The following PCDH7 variants were observed in gnomAD, a reference collection of about 807,000 sequenced individuals.
The protein encoded by PCDH7 is protocadherin-7.
In PCDH7, 17 loss-of-function variants were observed where a neutral mutation model predicts 58.9. The observed-to-expected ratio is 0.29, with a 90% CI of 0.20 to 0.43. The LOEUF (loss-of-function observed/expected upper bound fraction) is 0.43, where lower values mean the gene tolerates loss of function less well. PCDH7 is among the 20% of genes least tolerant of loss of function. The pLI is 1.00. For missense variants in PCDH7, 1,274 were observed against 1,441.0 expected (o/e 0.88, Z 1.88); for synonymous variants, 664 against 616.4 (o/e 1.08, Z -1.14).
intron 3 of PCDH7, among the ~76,000 whole-genome samples, chr4:31,015,803 T>G (rs1309460741): frequency 6.6e-6 from 1 of 152,222 alleles, no homozygotes; most frequent in Non-Finnish European, 1.5e-5. Context: ...AATGCCTTAT[T>G]CATAGGAGAA....
At chr4:31,108,415 T>C (rs957071785) in intron 3 of PCDH7, among the ~76,000 whole-genome samples, 1 of 127,744 alleles carries the variant, frequency 7.8e-6, no homozygotes, top group Non-Finnish European at 1.7e-5. Flanking sequence ...AAAAATCACT[T>C]TCTAATTATA....
At chr4:31,119,342 A>G (rs1316952494) in intron 3 of PCDH7, among the ~76,000 whole-genome samples, 1 of 152,140 alleles carries the variant, frequency 6.6e-6, no homozygotes, top group Admixed American at 6.5e-5. Flanking sequence ...GTCTGTAACC[A>G]TTGAGAGTCA....
chr4:31,032,786 A>T (rs1378418723), intron 3 of PCDH7, among the ~76,000 whole-genome samples: 2 of 152,082 alleles, frequency 1.3e-5, no homozygotes, highest in East Asian at 3.9e-4. Flanking sequence ...TCTTAAAATC[A>T]AAATTCAAAT....
chr4:31,115,946 C>T (rs1242211062), intron 3 of PCDH7, among the ~76,000 whole-genome samples: 1 of 152,122 alleles, frequency 6.6e-6, no homozygotes, highest in Non-Finnish European at 1.5e-5. Context: ...TCCTCCAGCC[C>T]ACCAAAATAT....
At chr4:31,070,335 A>G (rs550661253) in intron 3 of PCDH7, among the ~76,000 whole-genome samples, 2 of 152,078 alleles carry the variant, frequency 1.3e-5, no homozygotes, top group Non-Finnish European at 2.9e-5. Context: ...TTAGACGGAC[A>G]TCTGACAATG....
At chr4:31,063,912 A>T (rs1757888421) in intron 3 of PCDH7, among the ~76,000 whole-genome samples, 1 of 151,910 alleles carries the variant, frequency 6.6e-6, no homozygotes, top group African/African-American at 2.4e-5. Context: ...TGCTCAAAAT[A>T]AGTAGCTGGT....
chr4:30,789,444 A>G (rs1723826890), intron 1 of PCDH7, among the ~76,000 whole-genome samples: 1 of 152,136 alleles, frequency 6.6e-6, no homozygotes, highest in African/African-American at 2.4e-5. Context: ...TAGAAGAAGC[A>G]ACAGGCAGAA....
chr4:30,747,092 G>A (rs1029964807), intron 1 of PCDH7, among the ~76,000 whole-genome samples: 26 of 152,002 alleles, frequency 1.7e-4, no homozygotes, highest in East Asian at 5.8e-4. Context: ...TTCCATCATG[G>A]CAATTTATAT....
intron 1 of PCDH7, among the ~76,000 whole-genome samples, chr4:30,847,197 T>A (rs1170951960): frequency 6.6e-6 from 1 of 152,296 alleles, no homozygotes; most frequent in East Asian, 1.9e-4. Context: ...TAATTTATAA[T>A]GCTACTATCA....
chr4:31,029,407 A>T (rs1754712444), intron 3 of PCDH7, among the ~76,000 whole-genome samples: 2 of 152,312 alleles, frequency 1.3e-5, no homozygotes, highest in South Asian at 2.1e-4. Flanking sequence ...CGCTCAGCAG[A>T]TGGGAGTCAA....
At chr4:31,090,821 T>G (rs1713148049) in intron 3 of PCDH7, among the ~76,000 whole-genome samples, 1 of 152,042 alleles carries the variant, frequency 6.6e-6, no homozygotes, top group African/African-American at 2.4e-5. Context: ...TGACTAATGC[T>G]TAAGTCAATA....
At chr4:30,892,355 C>A (rs1004287773) in intron 1 of PCDH7, among the ~76,000 whole-genome samples, 2 of 151,892 alleles carry the variant, frequency 1.3e-5, no homozygotes, top group African/African-American at 4.8e-5. Context: ...GTAAAGTAGA[C>A]CACGTGGAGA....
intron 1 of PCDH7, among the ~76,000 whole-genome samples, chr4:30,786,304 G>C (rs1468018193): frequency 6.6e-6 from 1 of 151,968 alleles, no homozygotes; most frequent in Non-Finnish European, 1.5e-5. Context: ...TGAGATCTTA[G>C]GGATGTGCAA....
At chr4:30,971,473 C>G (rs1048851973) in intron 3 of PCDH7, among the ~76,000 whole-genome samples, 3 of 152,162 alleles carry the variant, frequency 2.0e-5, no homozygotes, top group African/African-American at 7.2e-5. Flanking sequence ...TTATTGGTAA[C>G]TAGCATAAAT....
intron 3 of PCDH7, among the ~76,000 whole-genome samples, chr4:31,132,380 T>C: frequency 6.6e-6 from 1 of 152,130 alleles, no homozygotes; most frequent in East Asian, 1.9e-4. Context: ...GGTGATATTC[T>C]TACAGTTAAA....
chr4:30,956,082 T>C (rs1578408450), intron 3 of PCDH7, among the ~76,000 whole-genome samples: 1 of 149,092 alleles, frequency 6.7e-6, no homozygotes, highest in African/African-American at 2.5e-5. Context: ...GGCAAGGTGG[T>C]GCACGCCTGT....
At chr4:31,139,138 G>T (rs1435453613) in intron 3 of PCDH7, among the ~76,000 whole-genome samples, 1 of 152,118 alleles carries the variant, frequency 6.6e-6, no homozygotes, top group East Asian at 1.9e-4. Flanking sequence ...GCAAGAACAG[G>T]ATTTGATGGA....
At chr4:31,016,974 T>TGAGA (rs568182429) in intron 3 of PCDH7, among the ~76,000 whole-genome samples, 1 of 151,202 alleles carries the variant, frequency 6.6e-6, no homozygotes, top group African/African-American at 2.4e-5. Context: ...TGTGTGTGTG[T>TGAGA]GAGAGAGAGA....
chr4:31,095,406 G>A (rs932178818), intron 3 of PCDH7, among the ~76,000 whole-genome samples: 3 of 152,008 alleles, frequency 2.0e-5, no homozygotes, highest in South Asian at 2.1e-4. Context: ...ACTGAGAATC[G>A]ACTTACTGAC....
Sources: gnomAD v4.1 joint callset for allele counts (sites outside exome capture counted in the v4.1 genomes callset) on GRCh38, gnomAD v4.1.1 for gene constraint, MANE v1.5 for transcripts, NCBI Gene and HGNC (gene_info 2026-07-23, HGNC 2026-07-21) for gene names.